The following CUX1 variants were observed in gnomAD, a reference collection of about 807,000 sequenced individuals.
CUX1 encodes cut like homeobox 1.
Under a neutral mutation model 158.8 loss-of-function variants are expected in CUX1, and 31 were observed. That is an observed-to-expected ratio of 0.20 (90% CI 0.15 to 0.26). The LOEUF is 0.26. CUX1 is among the 10% of genes least tolerant of loss of function. CUX1 has a pLI of 1.00. For synonymous variants in CUX1, 879 were observed against 862.1 expected (o/e 1.02, Z -0.34); for missense variants, 1,589 against 2,014.6 (o/e 0.79, Z 4.04).
At chr7:101,877,796 GTGTGTGTT>G (rs1332070391) in intron 1 of CUX1, among the ~76,000 whole-genome samples, 2 of 95,814 alleles carry the variant, frequency 2.1e-5, no homozygotes, top group Middle Eastern at 4.9e-3. Flanking sequence ...GTGTGTGTGT[GTGTGTGTT>G]TATTAAAGCG....
chr7:101,835,076 G>A (rs1395472653), intron 1 of CUX1, among the ~76,000 whole-genome samples: 1 of 152,036 alleles, frequency 6.6e-6, no homozygotes, highest in Non-Finnish European at 1.5e-5. Flanking sequence ...ATGTCGTGCA[G>A]CCATCACCAC....
At chr7:101,826,706 G>A (rs536339288) in intron 1 of CUX1, among the ~76,000 whole-genome samples, 21 of 152,214 alleles carry the variant, frequency 1.4e-4, no homozygotes, top group Admixed American at 9.2e-4. Context: ...GGCAGGGGGC[G>A]CCCACTGAGT....
intron 3 of CUX1, among the ~76,000 whole-genome samples, chr7:102,058,777 A>T (rs1248689109): frequency 6.6e-6 from 1 of 152,176 alleles, no homozygotes; most frequent in Non-Finnish European, 1.5e-5. Context: ...TTTATCCCCT[A>T]GGAAGCCTGC....
At chr7:102,210,303 G>T (rs1554522781) in intron 20 of CUX1, among the ~76,000 whole-genome samples, 1 of 152,100 alleles carries the variant, frequency 6.6e-6, no homozygotes, top group Non-Finnish European at 1.5e-5. Flanking sequence ...CACCATGTTG[G>T]CCAGGCTAGT....
chr7:101,817,436 G>T, upstream of CUX1: 1 of 984,506 alleles, frequency 1.0e-6, no homozygotes, highest in Non-Finnish European at 1.2e-6. The surrounding 1 kb of genome is among the most constrained non-coding windows in gnomAD (Gnocchi z 4.1). Context: ...CATGCCGGGC[G>T]GTGGTCCGCG....
intron 5 of CUX1, among the ~76,000 whole-genome samples, chr7:102,099,427 T>C (rs1829553003): frequency 6.6e-6 from 1 of 151,886 alleles, no homozygotes; most frequent in Admixed American, 6.5e-5. Context: ...CCTGCAAATC[T>C]GCACATTGAG....
chr7:102,234,861 G>A (rs531655038), intron 22 of CUX1, among the ~76,000 whole-genome samples: 1 of 152,062 alleles, frequency 6.6e-6, no homozygotes, highest in Admixed American at 6.5e-5. Context: ...GAACCCTGCA[G>A]GCGGTGAACA....
At chr7:101,893,834 G>T (rs373722124) in intron 1 of CUX1, among the ~76,000 whole-genome samples, 1 of 152,328 alleles carries the variant, frequency 6.6e-6, no homozygotes, top group East Asian at 1.9e-4. Context: ...AATTTATATT[G>T]CAGTCCTTAA....
intron 2 of CUX1, among the ~76,000 whole-genome samples, chr7:101,990,665 C>T (rs559578348): frequency 2.6e-5 from 4 of 151,834 alleles, no homozygotes; most frequent in African/African-American, 7.2e-5. Flanking sequence ...GTGTGAGTCA[C>T]CGCGCCTGGC....
chr7:101,940,347 C>T (rs550100099), intron 2 of CUX1, among the ~76,000 whole-genome samples: 1 of 152,044 alleles, frequency 6.6e-6, no homozygotes, highest in Non-Finnish European at 1.5e-5. Flanking sequence ...AAGAGAAGCT[C>T]ACCCAGAGAC....
chr7:101,943,945 C>T (rs1470688546), intron 2 of CUX1, among the ~76,000 whole-genome samples: 3 of 141,478 alleles, frequency 2.1e-5, no homozygotes, highest in Admixed American at 7.3e-5. Context: ...ATAGCGAGAC[C>T]GCGTCTCTAT....
At chr7:102,267,946 C>T (rs1027414080) in intron 14 of CUX1, among the ~76,000 whole-genome samples, 5 of 152,110 alleles carry the variant, frequency 3.3e-5, no homozygotes, top group Non-Finnish European at 5.9e-5. Context: ...GTATTCCAGC[C>T]GTGAGCCACT....
At chr7:101,847,437 G>A (rs534541334) in intron 1 of CUX1, among the ~76,000 whole-genome samples, 13 of 152,116 alleles carry the variant, frequency 8.5e-5, no homozygotes, top group African/African-American at 2.7e-4. Context: ...TGTCTTGGAC[G>A]GCAGACAGCA....
chr7:102,221,737 T>TAAAAA (rs60706791), intron 20 of CUX1, among the ~76,000 whole-genome samples: 67 of 134,056 alleles, frequency 5.0e-4, no homozygotes, highest in African/African-American at 1.8e-3. Context: ...CAGTGCCTTG[T>TAAAAA]AAAAAAAAAA....
chr7:102,273,342 G>A (rs782323876), intron 14 of CUX1: 6 of 1,608,002 alleles, frequency 3.7e-6, no homozygotes, highest in South Asian at 2.2e-5. Flanking sequence ...TCCCTCTGAC[G>A]GCCATGTCTT....
chr7:101,827,070 T>G (rs530810393), intron 1 of CUX1, among the ~76,000 whole-genome samples: 19 of 152,196 alleles, frequency 1.2e-4, no homozygotes, highest in African/African-American at 1.7e-4. Context: ...GTAACATAAG[T>G]GTTACTTTTT....
At chr7:102,121,309 A>G (rs567052202) in intron 8 of CUX1, among the ~76,000 whole-genome samples, 1 of 150,252 alleles carries the variant, frequency 6.7e-6, no homozygotes, top group African/African-American at 2.4e-5. Flanking sequence ...CTGGGATTAC[A>G]GGCTTGTGCC....
exon 22 of CUX1, chr7:102,282,734 G>A: frequency 6.2e-7 from 1 of 1,613,646 alleles, no homozygotes; most frequent in Non-Finnish European, 8.5e-7. Context: ...CTGGCATGGA[G>A]CGAGAGCATG....
chr7:102,271,293 G>A (rs907080034), intron 14 of CUX1, among the ~76,000 whole-genome samples: 9 of 152,156 alleles, frequency 5.9e-5, no homozygotes, highest in Middle Eastern at 3.2e-3. Context: ...GTCCCAGCAC[G>A]GTTCTTGGAT....
Sources: allele counts gnomAD v4.1 joint callset (sites outside exome capture counted in the v4.1 genomes callset), GRCh38; gene constraint gnomAD v4.1.1; non-coding constraint Gnocchi (gnomAD v3.1); transcripts MANE v1.5; gene names NCBI Gene and HGNC (gene_info 2026-07-23, HGNC 2026-07-21).